The following ZNF200 variants were observed in gnomAD, a reference collection of about 807,000 sequenced individuals.
The protein encoded by ZNF200 is zinc finger protein 200.
A neutral mutation model predicts 33.6 loss-of-function variants in ZNF200; 35 were observed. The observed-to-expected ratio is 1.04, with a 90% CI of 0.80 to 1.38. ZNF200 has a LOEUF of 1.38. Ranked by LOEUF, ZNF200 falls within the 40% of genes most tolerant of loss-of-function variation. The probability of loss-of-function intolerance (pLI) is 0.00; values close to 1 mark genes in which losing one functional copy is unlikely to be tolerated. For synonymous variants in ZNF200, 209 were observed against 167.7 expected, an observed-to-expected ratio of 1.25 and a Z score of -1.90; for missense variants, 592 against 470.6, an observed-to-expected ratio of 1.26 and a Z score of -2.39.
Position 3,224,415 on chromosome 16 carries a change from A to C in ZNF200, c.665T>G (p.Ile222Ser). 1 of 1,614,204 alleles carries C rather than the reference A, an allele frequency of 6.2e-7. No homozygotes were observed. The highest frequency in any genetic ancestry group is 8.5e-7 in the Non-Finnish European group (1 of 1,180,036). Residue 222 changes from isoleucine (I) to serine (S), a missense_variant, in exon 5 of 5, where the codon ATT becomes AGT. Transcript: ENST00000414144. ...TTCCTCTAGAGGAGTATCATTCTCA[A>C]TGGTAACTAACAGATTTCTCATTTT... Reference protein sequence around the residue: ...KRKMRNLLVTIENDTPLEELS... With the variant: ...KRKMRNLLVTSENDTPLEELS...
Position 3,223,661 on chromosome 16 carries a change from A to C in ZNF200, c.*231T>G, listed in dbSNP as rs1430075780. Reference sequence around the variant, plus strand: ...ATTATCATATAACTTCAAAAAGGAAAGCTCCTTAGTCCAAAAAGCCTAGAT... The same window carrying C: ...ATTATCATATAACTTCAAAAAGGAACGCTCCTTAGTCCAAAAAGCCTAGAT... On this transcript the variant is annotated 3_prime_UTR_variant, in exon 5 of 5. Transcript: ENST00000414144. 7 of 508,554 alleles carry C rather than the reference A, an allele frequency of 1.4e-5. No homozygotes were observed. In the East Asian group the frequency reaches 2.4e-4, roughly 17 times the overall value. The allele number at this position is 508,554 out of a possible 1,614,324, so 31.5% of individuals were successfully genotyped here.
intron 4 of ZNF200, 147 bp downstream of exon 4, chr16:3,232,274 G>T: frequency 4.0e-6 from 4 of 992,208 alleles, no homozygotes; most frequent in Non-Finnish European, 5.8e-6. Flanking sequence ...GCAAGGCTCT[G>T]CTACATTGAA....
intron 4 of ZNF200, among the ~76,000 whole-genome samples, chr16:3,231,390 T>C (rs1006155368): frequency 2.0e-5 from 3 of 152,212 alleles, no homozygotes; most frequent in Admixed American, 6.5e-5. Context: ...AGCTAAGAGT[T>C]TGACAGTCAT....
chr16:3,225,880 G>C (rs574964822), intron 4 of ZNF200: 1 of 150,462 alleles, frequency 6.6e-6, no homozygotes, highest in Non-Finnish European at 1.5e-5. Context: ...GGATTCAGCA[G>C]TTTCACACCA....
chr16:3,233,820 T>C lies in ZNF200; in HGVS notation c.-65A>G. The C allele has an allele frequency of 3.9e-6, 6 of 1,533,366 alleles. No individual in the cohort carries two copies. The highest frequency in any genetic ancestry group is 4.4e-6 in the Non-Finnish European group (5 of 1,141,096). The allele number at this position is 1,533,366 out of a possible 1,614,324, so 95.0% of individuals were successfully genotyped here. On this transcript the variant is annotated 5_prime_UTR_variant, in exon 2 of 5. Transcript: ENST00000414144. ...CAGAGCCACCTCTTACTAGAGGAAA[T>C]CTGCCAGAGAGCCAAGCTGTAGACA...
At chr16:3,227,879 C>T (rs1033568499) in intron 4 of ZNF200, 1 of 152,102 alleles carries the variant, frequency 6.6e-6, no homozygotes, top group African/African-American at 2.4e-5. Flanking sequence ...CACTAAACTC[C>T]CATGTGTATT....
In ZNF200 at chr16:3,223,645, T is replaced by C. The variant is rs1324151090; in HGVS notation, c.*247A>G. ...GATCTGTGACCTGTACATTATCATATAACTTCAAAAAGGAAAGCTCCTTAG... is the reference window on the plus strand; with the variant it reads ...GATCTGTGACCTGTACATTATCATACAACTTCAAAAAGGAAAGCTCCTTAG... On this transcript the variant is annotated 3_prime_UTR_variant, in exon 5 of 5. Transcript: ENST00000414144. 2 of 460,294 alleles carry C rather than the reference T, an allele frequency of 4.3e-6. No individual in the cohort carries two copies. Among genetic ancestry groups the C allele is most frequent in the African/African-American group, 2.0e-5 (1 of 49,766 alleles). 28.5% of individuals were successfully genotyped at this position (460,294 alleles called of 1,614,324 possible).
rs777799548 is a variant in ZNF200 at position 3,223,782 on chromosome 16, A to G, written c.*110T>C. ...GGGCATTTATCCAATTTTGGCAATA[A>G]TGAGATTTTTACACATTTATACCTT... On this transcript the variant is annotated 3_prime_UTR_variant, in exon 5 of 5. Coordinates refer to ENST00000414144, the MANE Select transcript of ZNF200 (RefSeq NM_198088.3). The G allele has an allele frequency of 6.2e-6, 9 of 1,449,452 alleles. No homozygotes were observed. Among genetic ancestry groups the G allele is most frequent in the Admixed American group, 2.5e-5 (1 of 40,300 alleles). The allele number at this position is 1,449,452 out of a possible 1,614,324, so 89.8% of individuals were successfully genotyped here.
At chr16:3,225,797 C>T (rs764585774) in intron 4 of ZNF200, 8 of 152,038 alleles carry the variant, frequency 5.3e-5, no homozygotes, top group Non-Finnish European at 1.0e-4. Context: ...CTCAGGCCTA[C>T]TGAGAGTCAA....
Position 3,223,184 on chromosome 16 carries a change from G to A in ZNF200, c.*708C>T, listed in dbSNP as rs1035114867. 2 of 152,216 alleles carry A rather than the reference G, an allele frequency of 1.3e-5. No homozygotes were observed. Among genetic ancestry groups the A allele is most frequent in the Non-Finnish European group, 2.9e-5 (2 of 68,050 alleles). The allele number at this position is 152,216 out of a possible 1,614,324, so 9.4% of individuals were successfully genotyped here. On this transcript the variant is annotated 3_prime_UTR_variant, in exon 5 of 5. Transcript: ENST00000414144. ...GGAGAAGCATGAGACGGCTGCTGGA[G>A]AGATCAACAGCAGAACAAAATACAA...
chr16:3,224,074 A>ATTT lies in ZNF200; in HGVS notation c.1005_1006insAAA (p.Ile335_Phe336insLys), dbSNP rs1197054204. On this transcript the variant is annotated inframe_insertion, in exon 5 of 5. Coordinates refer to ENST00000414144, the MANE Select transcript of ZNF200 (RefSeq NM_198088.3). The stretch of plus-strand genomic sequence containing the variant: ...GTTTTCCCACATTCTGGACACTTAA[A>ATTT]TATCTTCTCCCTTATATGGATTCCT... The ATTT allele has an allele frequency of 6.2e-7, 1 of 1,614,128 alleles. No individual in the cohort carries two copies. Among genetic ancestry groups the ATTT allele is most frequent in the Non-Finnish European group, 8.5e-7 (1 of 1,180,028 alleles).
At position 3,233,525 on chromosome 16, in the gene ZNF200, G is replaced by A; in HGVS notation, c.231C>T (p.Ser77=). 6.4e-7 allele frequency: 1 copy of A among 1,568,188 alleles called. No individual in the cohort carries two copies. The highest frequency in any genetic ancestry group is 8.6e-7 in the Non-Finnish European group (1 of 1,158,318). The change falls in exon 2 of 5, where the codon AGC becomes AGT. Residue 77 remains serine (S), a synonymous_variant. Transcript: ENST00000414144. ...KETLVIMKDV[S]SSLQNRVHPR... is the part of the protein sequence containing the mutation. ...TCTCACCTCTGTTCTGAAGGCTTGA[G>A]CTCACATCTTTCATAATAACCAAGG...
intron 4 of ZNF200, chr16:3,227,752 C>G (rs980693288): frequency 6.6e-6 from 1 of 152,190 alleles, no homozygotes; most frequent in Non-Finnish European, 1.5e-5. Flanking sequence ...TTTCTGGAGG[C>G]CTCCCCAGCC....
In ZNF200 at chr16:3,235,031, C is replaced by G. The variant is rs1958766586; in HGVS notation, c.-126G>C. 1 of 152,232 alleles carries G rather than the reference C, an allele frequency of 6.6e-6. No homozygotes were observed. The highest frequency in any genetic ancestry group is 2.4e-5 in the African/African-American group (1 of 41,458). The allele number at this position is 152,232 out of a possible 1,614,324, so 9.4% of individuals were successfully genotyped here. A position where few individuals can be genotyped will look rare whatever the true frequency, so the allele number is the denominator to read the frequency against. Reference sequence around the variant, plus strand: ...CCCTGAGCGTTTGCTGGGGACGGCTCAGAGACTCAGGCTCCGGGAGAGATA... The same window carrying G: ...CCCTGAGCGTTTGCTGGGGACGGCTGAGAGACTCAGGCTCCGGGAGAGATA... On this transcript the variant is annotated 5_prime_UTR_variant, in exon 1 of 5. Transcript: ENST00000414144.
rs1389161618 is a variant in ZNF200 at position 3,235,040 on chromosome 16, A to C, written c.-135T>G. On this transcript the variant is annotated 5_prime_UTR_variant, in exon 1 of 5. Transcript: ENST00000414144. ...TTTGCTGGGGACGGCTCAGAGACTC[A>C]GGCTCCGGGAGAGATAGAAAAACTA... is the stretch of plus-strand genomic sequence containing the variant. The C allele has an allele frequency of 6.6e-6, 1 of 152,164 alleles. No homozygotes were observed. Among genetic ancestry groups the C allele is most frequent in the Non-Finnish European group, 1.5e-5 (1 of 68,016 alleles). The allele number at this position is 152,164 out of a possible 1,614,324, so 9.4% of individuals were successfully genotyped here.
At position 3,224,278 on chromosome 16, in the gene ZNF200, T is replaced by C. The variant is rs755175671; in HGVS notation, c.802A>G (p.Ile268Val). Residue 268 changes from isoleucine (I) to valine (V), a missense_variant, in exon 5 of 5, where the codon ATT becomes GTT. Physicochemically the swap from Ile to Val is conservative, Grantham distance 29 (BLOSUM62 3). Transcript: ENST00000414144. Reference sequence around the variant, plus strand: ...CCAGTGTGGGTCCTCTGGTGGGAAATGAGGTAAGAACTTTCATTAAACTGT... The same window carrying C: ...CCAGTGTGGGTCCTCTGGTGGGAAACGAGGTAAGAACTTTCATTAAACTGT... ...GKQFNESSYLISHQRTHTGEK... is the reference protein window; with the variant it reads ...GKQFNESSYLVSHQRTHTGEK... 3 of 1,614,102 alleles carry C rather than the reference T, an allele frequency of 1.9e-6. No individual in the cohort carries two copies. Among genetic ancestry groups the C allele is most frequent in the Non-Finnish European group, 2.5e-6 (3 of 1,180,016 alleles).
intron 4 of ZNF200, among the ~76,000 whole-genome samples, chr16:3,231,033 A>G (rs1958622738): frequency 6.6e-6 from 1 of 152,210 alleles, no homozygotes; most frequent in Non-Finnish European, 1.5e-5. Context: ...CCAGAACCCA[A>G]TCCTGCCTGA....
chr16:3,222,697 A>T lies in ZNF200; in HGVS notation c.*1195T>A, dbSNP rs1958358859. On this transcript the variant is annotated 3_prime_UTR_variant, in exon 5 of 5. Coordinates refer to ENST00000414144, the MANE Select transcript of ZNF200 (RefSeq NM_198088.3). ...TGGAAACCTAAAGCAAGCAAAACTG[A>T]AGAATCCCTAAATCGCACCACACGA... 1 of 152,230 alleles carries T rather than the reference A, an allele frequency of 6.6e-6. No individual in the cohort carries two copies. Among genetic ancestry groups the T allele is most frequent in the Non-Finnish European group, 1.5e-5 (1 of 68,050 alleles). The allele number at this position is 152,230 out of a possible 1,614,324, so 9.4% of individuals were successfully genotyped here.
chr16:3,233,103 C>T (rs1302892339), intron 2 of ZNF200, among the ~76,000 whole-genome samples, 182 bp from the exon 3 acceptor site: 1 of 152,174 alleles, frequency 6.6e-6, no homozygotes, highest in East Asian at 1.9e-4. Flanking sequence ...TGGCATCTCC[C>T]TGTTATGAAA....
Sources: gnomAD v4.1 joint callset for allele counts (sites outside exome capture counted in the v4.1 genomes callset) on GRCh38, gnomAD v4.1.1 for gene constraint, MANE v1.5 for transcripts, NCBI Gene and HGNC (gene_info 2026-07-23, HGNC 2026-07-21) for gene names.